SCUBE1: variants seen among roughly 807,000 people sequenced by gnomAD.
The protein encoded by SCUBE1 is signal peptide, CUB domain and EGF like domain containing 1.
SCUBE1 carries 59 observed loss-of-function variants against 124.4 expected under a neutral mutation model. The observed-to-expected ratio is 0.47, with a 90% CI of 0.38 to 0.59. The LOEUF is 0.59. Among genes scored for constraint, SCUBE1 ranks in the 20% least tolerant of loss-of-function variants. The probability of loss-of-function intolerance (pLI) is 0.00; values close to 1 mark genes in which losing one functional copy is unlikely to be tolerated. For missense variants in SCUBE1, 1,150 were observed against 1,371.2 expected (o/e 0.84, Z 2.55); for synonymous variants, 545 against 550.9 (o/e 0.99, Z 0.15).
chr22:43,268,448 G>GC (rs952098558), intron 4 of SCUBE1, among the ~76,000 whole-genome samples: 11 of 152,336 alleles, frequency 7.2e-5, no homozygotes, highest in Admixed American at 3.3e-4. Flanking sequence ...AGGCCAGGCG[G>GC]CCCGCCAGGT....
At chr22:43,253,572 C>G (rs966927235) in intron 6 of SCUBE1, among the ~76,000 whole-genome samples, 2 of 152,130 alleles carry the variant, frequency 1.3e-5, no homozygotes, top group African/African-American at 4.8e-5. Flanking sequence ...TTGATGTGTT[C>G]CTTCAGTCTG....
intron 4 of SCUBE1, among the ~76,000 whole-genome samples, chr22:43,273,305 AG>A (rs34108216): frequency 4.6e-5 from 7 of 152,094 alleles, no homozygotes; most frequent in African/African-American, 1.7e-4. Context: ...TCCCCACCCC[AG>A]GGCCTTGACC....
Position 43,297,496 on chromosome 22 carries a change from C to T in SCUBE1, c.350-6316G>A, listed in dbSNP as rs147824879. On this transcript the variant is annotated intron_variant, in intron 3 of 21. Transcript: ENST00000360835. ...CCCATCTCCACTCGGTCCTCACAGG[C>T]GCAGGCCACCTCCACCTGCTGCCAG... Among the ~76,000 whole-genome samples the T allele has an allele frequency of 4.0e-3, 612 of 152,352 alleles. 2 individuals are homozygous for T. The highest frequency in any genetic ancestry group is 6.5e-3 in the Admixed American group (99 of 15,312).
At chr22:43,273,327 C>T (rs1471580868) in intron 4 of SCUBE1, among the ~76,000 whole-genome samples, 3 of 152,118 alleles carry the variant, frequency 2.0e-5, no homozygotes, top group Non-Finnish European at 4.4e-5. Context: ...AGTCCTGGCA[C>T]CGGGAACCCC....
Position 43,203,873 on chromosome 22 carries a change from C to T in SCUBE1, c.*124G>A. ...GGCTCGGTCTCCATGGGCTGGTCGG[C>T]TTCCCTGAAGGGCAGTGCCATGGGG... On this transcript the variant is annotated 3_prime_UTR_variant, in exon 22 of 22. Transcript: ENST00000360835. 1.9e-6 allele frequency: 2 copies of T among 1,068,248 alleles called. 1 individual carries two copies. The highest frequency in any genetic ancestry group is 3.1e-5 in the South Asian group (2 of 65,110). The allele number at this position is 1,068,248 out of a possible 1,614,324, so 66.2% of individuals were successfully genotyped here. A position where few individuals can be genotyped will look rare whatever the true frequency, so the allele number is the denominator to read the frequency against.
rs1224248954 is a variant in SCUBE1 at position 43,197,927 on chromosome 22, C to T, written c.*6070G>A. ...CCTTCTCTCTGTCTCTGGACTCCACCGCCAGGGCTGACCTGGCCCAGTTTC... is the reference window on the plus strand; with the variant it reads ...CCTTCTCTCTGTCTCTGGACTCCACTGCCAGGGCTGACCTGGCCCAGTTTC... On this transcript the variant is annotated 3_prime_UTR_variant, in exon 22 of 22. Transcript: ENST00000360835. 1.3e-5 allele frequency: 2 copies of T among 152,364 alleles called. No individual in the cohort carries two copies. Among genetic ancestry groups the T allele is most frequent in the Admixed American group, 6.5e-5 (1 of 15,288 alleles). The allele number at this position is 152,364 out of a possible 1,614,324, so 9.4% of individuals were successfully genotyped here. A position where few individuals can be genotyped will look rare whatever the true frequency, so the allele number is the denominator to read the frequency against.
chr22:43,222,671 C>T lies in SCUBE1; in HGVS notation c.1399G>A (p.Gly467Ser), dbSNP rs769965102. 1.2e-5 allele frequency: 20 copies of T among 1,602,622 alleles called. No individual in the cohort carries two copies. The highest frequency in any genetic ancestry group is 4.5e-5 in the East Asian group (2 of 44,516). The change falls in exon 12 of 22, where the codon GGC becomes AGC. Residue 467 changes from glycine to serine, a missense_variant. This residue lies in a region of SCUBE1 where 757 missense variants were observed against 840.9 expected (regional missense o/e 0.90). Coordinates refer to ENST00000360835, the MANE Select transcript of SCUBE1 (RefSeq NM_173050.5). ...PQGKALQKRN[G>S]TSSGLGPSCS... ...CTGGGCCCGAGGCCAGAGCTGGTGC[C>T]GTTGCGTTTCTGCAGCGCCTTGCCC... is the stretch of plus-strand genomic sequence containing the variant.
In SCUBE1 at chr22:43,214,160, G is replaced by T. The variant is rs1168837973; in HGVS notation, c.1983C>A (p.Leu661=). Residue 661 remains leucine (L), a synonymous_variant, in exon 16 of 22, where the codon CTC becomes CTA. Transcript: ENST00000360835. ...PGTYQDMEGQ[L]SCTPCPSSDG... is the part of the protein sequence containing the mutation. ...CGCTGCTGGGGCACGGTGTGCAACTGAGCTGGCCTTCCATGTCCTGGTATG... is the reference window on the plus strand; with the variant it reads ...CGCTGCTGGGGCACGGTGTGCAACTTAGCTGGCCTTCCATGTCCTGGTATG... 1.9e-6 allele frequency: 3 copies of T among 1,612,434 alleles called. No homozygotes were observed. Among genetic ancestry groups the T allele is most frequent in the Non-Finnish European group, 2.5e-6 (3 of 1,179,774 alleles).
At chr22:43,245,725 A>T (rs1287152718) in intron 6 of SCUBE1, among the ~76,000 whole-genome samples, 1 of 152,166 alleles carries the variant, frequency 6.6e-6, no homozygotes, top group East Asian at 1.9e-4. Flanking sequence ...TGCTGACCTT[A>T]GCCCGGCCCT....
At chr22:43,290,761 C>A (rs959922357) in intron 4 of SCUBE1, among the ~76,000 whole-genome samples, 17 of 152,224 alleles carry the variant, frequency 1.1e-4, no homozygotes, top group African/African-American at 4.1e-4. Context: ...CCACAGCCAG[C>A]CCCCAACTCA....
intron 2 of SCUBE1, among the ~76,000 whole-genome samples, chr22:43,321,203 A>C (rs1320345951): frequency 2.6e-5 from 4 of 152,106 alleles, no homozygotes; most frequent in Admixed American, 2.6e-4. Flanking sequence ...TAGAAGAGGG[A>C]TTTTTGAGGC....
intron 3 of SCUBE1, among the ~76,000 whole-genome samples, chr22:43,292,556 A>AACACACACACACACACACACAC (rs3985926): frequency 1.1e-4 from 15 of 139,676 alleles, no homozygotes; most frequent in South Asian, 7.4e-4. Context: ...CCCGGTCCCT[A>AACACACACACACACACACACAC]ACACACACAC....
At chr22:43,290,786 T>A (rs1925328063) in intron 4 of SCUBE1, among the ~76,000 whole-genome samples, 1 of 152,072 alleles carries the variant, frequency 6.6e-6, no homozygotes, top group Admixed American at 6.5e-5. Flanking sequence ...GGAAAACAGC[T>A]CCTCTGGTCA....
At chr22:43,333,875 G>T (rs917077405) in intron 2 of SCUBE1, among the ~76,000 whole-genome samples, 1 of 152,212 alleles carries the variant, frequency 6.6e-6, no homozygotes, top group African/African-American at 2.4e-5. Flanking sequence ...TTCTTGAGAG[G>T]ATTAAATGAG....
intron 2 of SCUBE1, among the ~76,000 whole-genome samples, chr22:43,334,865 C>T (rs1047193209): frequency 2.6e-5 from 4 of 152,096 alleles, no homozygotes; most frequent in Non-Finnish European, 5.9e-5. Flanking sequence ...TAACATTATG[C>T]CTATTTTATA....
intron 3 of SCUBE1, among the ~76,000 whole-genome samples, chr22:43,299,878 G>A (rs951658362): frequency 1.1e-4 from 16 of 152,254 alleles, no homozygotes; most frequent in African/African-American, 3.4e-4. Context: ...AGAGTCATGC[G>A]ATATTTGTCT....
At chr22:43,226,489 C>A (rs1373854048) in intron 10 of SCUBE1, among the ~76,000 whole-genome samples, 1 of 151,924 alleles carries the variant, frequency 6.6e-6, no homozygotes, top group Admixed American at 6.6e-5. Context: ...GGAGGCCCTG[C>A]GAAGTCAGTG....
At chr22:43,286,075 G>A (rs886676839) in intron 4 of SCUBE1, among the ~76,000 whole-genome samples, 9 of 152,238 alleles carry the variant, frequency 5.9e-5, no homozygotes, top group South Asian at 2.1e-4. Flanking sequence ...CTCTGCGGCC[G>A]GCTTGTTGTG....
At position 43,254,542 on chromosome 22, in the gene SCUBE1, G is replaced by A. The variant is rs372583385; in HGVS notation, c.727+3677C>T. Among the ~76,000 whole-genome samples the A allele has an allele frequency of 2.0e-3, 310 of 152,322 alleles. 2 individuals carry two copies. Among genetic ancestry groups the A allele is most frequent in the African/African-American group, 7.1e-3 (295 of 41,568 alleles). On this transcript the variant is annotated intron_variant, in intron 6 of 21. Coordinates refer to ENST00000360835, the MANE Select transcript of SCUBE1 (RefSeq NM_173050.5). ...ACAGCCCACACGGTCAGGACTTTTGGGTAGAGCTCAGCCCTGCAGGGTGGT... is the reference window on the plus strand; with the variant it reads ...ACAGCCCACACGGTCAGGACTTTTGAGTAGAGCTCAGCCCTGCAGGGTGGT...
Sources: gnomAD v4.1 joint callset for allele counts (sites outside exome capture counted in the v4.1 genomes callset) on GRCh38, gnomAD v4.1.1 for gene constraint, gnomAD v4.1.1 regional missense constraint, MANE v1.5 for transcripts, NCBI Gene and HGNC (gene_info 2026-07-23, HGNC 2026-07-21) for gene names.